Variants in WDR17 observed in about 807,000 individuals in gnomAD.
WDR17 encodes the protein WD repeat-containing protein 17.
A neutral mutation model predicts 161.7 loss-of-function variants in WDR17; 143 were observed. The observed-to-expected ratio is 0.88, with a 90% CI of 0.77 to 1.02. The LOEUF is 1.02. WDR17 is among the 50% of genes least tolerant of loss of function. The pLI is 0.00. For missense variants in WDR17, 1,469 were observed against 1,520.9 expected, an observed-to-expected ratio of 0.97 and a Z score of 0.57; for synonymous variants, 517 against 515.6, an observed-to-expected ratio of 1.00 and a Z score of -0.04.
At chr4:176,076,496 TA>T (rs1236218868) in intron 1 of WDR17, among the ~76,000 whole-genome samples, 1 of 150,710 alleles carries the variant, frequency 6.6e-6, no homozygotes, top group Non-Finnish European at 1.5e-5. Context: ...AAAATATTCT[TA>T]ATATTTTAGT....
At chr4:176,094,262 A>G (rs1736509231) in intron 1 of WDR17, among the ~76,000 whole-genome samples, 1 of 152,202 alleles carries the variant, frequency 6.6e-6, no homozygotes, top group Admixed American at 6.5e-5. Context: ...CTAGGTGACC[A>G]ACTTTCATAG....
Position 176,111,601 on chromosome 4 carries a change from G to A in WDR17, c.21G>A (p.Val7=). 6.2e-7 allele frequency: 1 copy of A among 1,609,206 alleles called. No individual in the cohort carries two copies. Among genetic ancestry groups the A allele is most frequent in the Non-Finnish European group, 8.5e-7 (1 of 1,177,244 alleles). The stretch of plus-strand genomic sequence containing the variant: ...CAAACATGTCCCAGGTAAGGCAAGT[G>A]GGATTGCTGGCTGCTGGATGTCAGC... MSQVRQ[V]GLLAAGCQPW... The change falls in exon 2 of 29, where the codon GTG becomes GTA. Residue 7 remains valine (V), a synonymous_variant. Coordinates refer to ENST00000508596, the MANE Select transcript of WDR17 (RefSeq NM_181265.4).
chr4:176,075,683 C>A (rs1275773027), intron 1 of WDR17, among the ~76,000 whole-genome samples: 1 of 152,088 alleles, frequency 6.6e-6, no homozygotes, highest in Non-Finnish European at 1.5e-5. Flanking sequence ...TTTCCCTTCA[C>A]ACATGTATGA....
At chr4:176,100,486 TC>T (rs1737644386) in intron 1 of WDR17, among the ~76,000 whole-genome samples, 1 of 152,130 alleles carries the variant, frequency 6.6e-6, no homozygotes, top group South Asian at 2.1e-4. Context: ...TGGATATTAG[TC>T]CCCTGTTGGA....
chr4:176,175,220 C>T (rs552751764), intron 26 of WDR17, among the ~76,000 whole-genome samples: 23 of 152,284 alleles, frequency 1.5e-4, no homozygotes, highest in African/African-American at 5.5e-4. Context: ...TTTATGCCCA[C>T]ATCTCACTAA....
intron 17 of WDR17, among the ~76,000 whole-genome samples, chr4:176,155,747 A>C (rs1748019803): frequency 7.5e-6 from 1 of 132,560 alleles, no homozygotes; most frequent in African/African-American, 2.6e-5. Flanking sequence ...GTTTTGGTAG[A>C]CATGAGGGTC....
At chr4:176,084,056 TC>T (rs1735107568) in intron 1 of WDR17, among the ~76,000 whole-genome samples, 2 of 152,110 alleles carry the variant, frequency 1.3e-5, no homozygotes, top group Admixed American at 1.3e-4. Flanking sequence ...GTTGTAAGTG[TC>T]CTTTGTTGAA....
At position 176,141,978 on chromosome 4, in the gene WDR17, T is replaced by A; in HGVS notation, c.1443-5T>A. ...TTTCTATTAACATATTATAATTAAT[T>A]CTAGTATTATTCGAACAATTGATGG... On this transcript the variant is annotated splice_region_variant and splice_polypyrimidine_tract_variant and intron_variant, in intron 10 of 28. Coordinates refer to ENST00000508596, the MANE Select transcript of WDR17 (RefSeq NM_181265.4). 6.3e-7 allele frequency: 1 copy of A among 1,578,062 alleles called. No individual in the cohort carries two copies. Among genetic ancestry groups the A allele is most frequent in the Non-Finnish European group, 8.7e-7 (1 of 1,155,430 alleles).
chr4:176,168,005 G>A (rs958158079), intron 22 of WDR17, among the ~76,000 whole-genome samples: 1 of 151,552 alleles, frequency 6.6e-6, no homozygotes, highest in African/African-American at 2.4e-5. Context: ...AAATTGCCCG[G>A]GCATGGTGGC....
intron 1 of WDR17, among the ~76,000 whole-genome samples, chr4:176,110,648 G>T (rs1739555972): frequency 6.6e-6 from 1 of 152,102 alleles, no homozygotes; most frequent in African/African-American, 2.4e-5. Context: ...ACCATTTACT[G>T]TCTGTTCTCC....
intron 19 of WDR17, 121 bp downstream of exon 19, chr4:176,160,247 CCCT>C: frequency 1.8e-6 from 2 of 1,135,170 alleles, no homozygotes; most frequent in Non-Finnish European, 2.4e-6. Context: ...TTGGCTTCTG[CCCT>C]CCTCCCTGGC....
chr4:176,143,498 T>C (rs1745633732), intron 11 of WDR17, among the ~76,000 whole-genome samples: 1 of 115,726 alleles, frequency 8.6e-6, no homozygotes, highest in Admixed American at 8.3e-5. Context: ...ACTTCGTCTC[T>C]TAAAAAAAAA....
In WDR17 at chr4:176,148,193, T is replaced by C. The variant is rs774639637; in HGVS notation, c.1755T>C (p.Thr585=). 7 of 1,613,920 alleles carry C rather than the reference T, an allele frequency of 4.3e-6. No individual in the cohort carries two copies. The highest frequency in any genetic ancestry group is 5.9e-6 in the Non-Finnish European group (7 of 1,179,978). Residue 585 remains threonine (T), a synonymous_variant, in exon 13 of 29, where the codon ACT becomes ACC. Coordinates refer to ENST00000508596, the MANE Select transcript of WDR17 (RefSeq NM_181265.4). Reference sequence around the variant, plus strand: ...GCATCAATATTCTTAATGGACACACTGCACCTGTGAGAGGATTAATGTGGA... The same window carrying C: ...GCATCAATATTCTTAATGGACACACCGCACCTGTGAGAGGATTAATGTGGA... The part of the protein sequence containing the change: ...DACINILNGH[T]APVRGLMWNT...
chr4:176,084,112 AC>A (rs2126603458), intron 1 of WDR17, among the ~76,000 whole-genome samples: 1 of 152,046 alleles, frequency 6.6e-6, no homozygotes, highest in East Asian at 1.9e-4. Flanking sequence ...CACACTTTTA[AC>A]AATGTCTTGA....
chr4:176,160,502 A>G (rs1303206929), intron 19 of WDR17, among the ~76,000 whole-genome samples: 2 of 151,964 alleles, frequency 1.3e-5, no homozygotes, highest in African/African-American at 2.4e-5. Flanking sequence ...TTGTATTTGT[A>G]GTGGAGATGG....
rs992207441 is a variant in WDR17, at chr4:176,154,449, C to A, written c.2461-1630C>A. On this transcript the variant is annotated intron_variant, in intron 17 of 28. Coordinates refer to ENST00000508596, the MANE Select transcript of WDR17 (RefSeq NM_181265.4). ...TGAGCCAAGATCATACCATTGCACT[C>A]CAGCCTGGGTGACAAGAGTGAAACT... Among the ~76,000 whole-genome samples, 3 of 152,030 alleles carry A rather than the reference C, an allele frequency of 2.0e-5. No individual in the cohort carries two copies. The East Asian group carries it at 5.8e-4, about 29-fold the overall frequency.
chr4:176,138,060 C>G (rs1342827438), intron 9 of WDR17, among the ~76,000 whole-genome samples: 1 of 151,590 alleles, frequency 6.6e-6, no homozygotes, highest in Non-Finnish European at 1.5e-5. Flanking sequence ...CCGTGCAGAG[C>G]CTTAGAACCT....
At chr4:176,145,974 A>AT (rs1324328850) in intron 11 of WDR17, 21 bp from the exon 12 acceptor site, 1 of 1,599,842 alleles carries the variant, frequency 6.3e-7, no homozygotes, top group African/African-American at 1.3e-5. Flanking sequence ...CTATGTCAAT[A>AT]TTCCATTGAT....
At chr4:176,157,497 C>T (rs1748340871) in intron 18 of WDR17, among the ~76,000 whole-genome samples, 1 of 152,204 alleles carries the variant, frequency 6.6e-6, no homozygotes, top group African/African-American at 2.4e-5. Context: ...GCTCCCTCTC[C>T]TGAGCTTTAA....
Sources: allele counts gnomAD v4.1 joint callset (sites outside exome capture counted in the v4.1 genomes callset), GRCh38; gene constraint gnomAD v4.1.1; transcripts MANE v1.5; gene names NCBI Gene and HGNC (gene_info 2026-07-23, HGNC 2026-07-21).